Variants in ANO3 observed in about 807,000 individuals in gnomAD.
ANO3 encodes the protein anoctamin 3.
A neutral mutation model predicts 144.8 loss-of-function variants in ANO3; 99 were observed. The observed-to-expected ratio is 0.68, with a 90% CI of 0.58 to 0.81. The LOEUF is 0.81. Ranked by LOEUF, ANO3 falls within the 30% of genes least tolerant of loss-of-function variation. The pLI is 0.00. For missense variants in ANO3, 905 were observed against 1,202.2 expected (o/e 0.75, Z 3.66); for synonymous variants, 414 against 392.6 (o/e 1.05, Z -0.64).
intron 4 of ANO3, among the ~76,000 whole-genome samples, chr11:26,488,535 C>A (rs1446422677): frequency 6.6e-6 from 1 of 152,102 alleles, no homozygotes; most frequent in East Asian, 1.9e-4. Flanking sequence ...TGTTCAGATG[C>A]CTCCGGACTT....
intron 26 of ANO3, among the ~76,000 whole-genome samples, chr11:26,659,187 C>G (rs1270024820): frequency 6.6e-6 from 1 of 151,250 alleles, no homozygotes; most frequent in African/African-American, 2.4e-5. Context: ...TCATTTAATA[C>G]TTATGCCAAC....
intron 1 of ANO3, among the ~76,000 whole-genome samples, chr11:26,413,015 A>G (rs1418166529): frequency 6.6e-6 from 1 of 151,960 alleles, no homozygotes; most frequent in Non-Finnish European, 1.5e-5. Context: ...ATTGTTCCAG[A>G]AGCCAGAGGT....
intron 1 of ANO3, among the ~76,000 whole-genome samples, chr11:26,202,337 A>C (rs1374738149): frequency 6.8e-6 from 1 of 146,290 alleles, no homozygotes; most frequent in Non-Finnish European, 1.5e-5. Context: ...TGATATATAT[A>C]ATATAGATTA....
intron 17 of ANO3, among the ~76,000 whole-genome samples, chr11:26,618,763 C>A (rs1852331485): frequency 6.6e-6 from 1 of 152,148 alleles, no homozygotes; most frequent in Non-Finnish European, 1.5e-5. Context: ...CTCTTTTATA[C>A]CCCTGTCTCT....
At chr11:26,385,750 G>A (rs1375033675) in intron 1 of ANO3, among the ~76,000 whole-genome samples, 1 of 148,374 alleles carries the variant, frequency 6.7e-6, no homozygotes, top group Non-Finnish European at 1.5e-5. Context: ...ACATACTTGA[G>A]AAGGGGGAAT....
intron 1 of ANO3, 105 bp downstream of exon 1, chr11:26,332,426 T>G: frequency 7.9e-6 from 8 of 1,015,554 alleles, no homozygotes; most frequent in Admixed American, 2.2e-5. Context: ...GACACAGAGG[T>G]GGGGAACTCT....
chr11:26,503,769 T>C (rs1861294236), intron 4 of ANO3, among the ~76,000 whole-genome samples: 1 of 152,154 alleles, frequency 6.6e-6, no homozygotes, highest in Admixed American at 6.5e-5. Context: ...GCTGTCTTTC[T>C]GGGAGAGTTT....
chr11:26,559,498 G>A, intron 13 of ANO3: 1 of 502,442 alleles, frequency 2.0e-6, no homozygotes, highest in Non-Finnish European at 3.5e-6. Context: ...AATCAAGAGA[G>A]GAGAGAAGAG....
intron 4 of ANO3, among the ~76,000 whole-genome samples, chr11:26,489,228 G>A (rs1860601461): frequency 6.6e-6 from 1 of 152,090 alleles, no homozygotes; most frequent in African/African-American, 2.4e-5. Flanking sequence ...GGCCAACGTA[G>A]AGCTCAGACT....
At chr11:26,483,414 T>C (rs1463107331) in intron 4 of ANO3, among the ~76,000 whole-genome samples, 1 of 152,188 alleles carries the variant, frequency 6.6e-6, no homozygotes, top group Non-Finnish European at 1.5e-5. Flanking sequence ...GATTGGATCA[T>C]GGGGATGGAC....
chr11:26,537,269 G>A (rs528592855), intron 9 of ANO3, 137 bp from the exon 10 acceptor site: 1 of 686,254 alleles, frequency 1.5e-6, no homozygotes, highest in South Asian at 1.7e-5. Flanking sequence ...TGTCCTCATA[G>A]GTGATGTGGC....
At chr11:26,230,765 C>A (rs1852374059) in intron 1 of ANO3, among the ~76,000 whole-genome samples, 1 of 126,860 alleles carries the variant, frequency 7.9e-6, no homozygotes, top group South Asian at 2.5e-4. Context: ...CTACTGCACT[C>A]CAGCCTGGGT....
chr11:26,285,452 C>T (rs145106478), intron 1 of ANO3, among the ~76,000 whole-genome samples: 1 of 152,068 alleles, frequency 6.6e-6, no homozygotes, highest in Non-Finnish European at 1.5e-5. Context: ...ATATTTAATA[C>T]ATATTTAAGA....
chr11:26,386,320 C>T (rs1359211646), intron 1 of ANO3, among the ~76,000 whole-genome samples: 5 of 152,094 alleles, frequency 3.3e-5, no homozygotes, highest in African/African-American at 1.2e-4. Flanking sequence ...CTCCTCCTTA[C>T]GTTACAATGC....
intron 1 of ANO3, among the ~76,000 whole-genome samples, chr11:26,225,848 A>G (rs926744064): frequency 6.6e-6 from 1 of 152,172 alleles, no homozygotes; most frequent in Non-Finnish European, 1.5e-5. Flanking sequence ...CTCTATTTGT[A>G]CTTTCGTGTT....
intron 14 of ANO3, among the ~76,000 whole-genome samples, chr11:26,596,958 G>C (rs1382292139): frequency 6.6e-6 from 1 of 152,192 alleles, no homozygotes; most frequent in African/African-American, 2.4e-5. Context: ...ACACAGAAGG[G>C]TTGGGGGTTG....
intron 24 of ANO3, 28 bp downstream of exon 24, chr11:26,647,884 G>C (rs1853400512): frequency 6.3e-7 from 1 of 1,588,738 alleles, no homozygotes; most frequent in East Asian, 2.3e-5. Flanking sequence ...ACATTTTCCT[G>C]ATATGTTTTA....
intron 17 of ANO3, among the ~76,000 whole-genome samples, chr11:26,607,492 T>G (rs1014302702): frequency 2.6e-5 from 4 of 152,186 alleles, no homozygotes; most frequent in African/African-American, 9.7e-5. Flanking sequence ...CAGTGCCTGT[T>G]TCTCAGAGGC....
chr11:26,324,011 T>A lies in ANO3; in HGVS notation c.-3+14292T>A, dbSNP rs1854825234. Among the ~76,000 whole-genome samples the A allele has an allele frequency of 1.3e-5, 2 of 152,184 alleles. 1 individual carries two copies. Among genetic ancestry groups the A allele is most frequent in the African/African-American group, 4.8e-5 (2 of 41,452 alleles). On this transcript the variant is annotated intron_variant, in intron 1 of 26. Transcript: ENST00000525139. ...GAAATGTCATTATTTGACCTATCTG[T>A]TAAAGCCACATTCACAAGGTTTATG... is the stretch of plus-strand genomic sequence containing the variant.
Sources: gnomAD v4.1 joint callset for allele counts (sites outside exome capture counted in the v4.1 genomes callset) on GRCh38, gnomAD v4.1.1 for gene constraint, MANE v1.5 for transcripts, NCBI Gene and HGNC (gene_info 2026-07-23, HGNC 2026-07-21) for gene names.